Variants in DCC observed in about 807,000 individuals in gnomAD.
The protein encoded by DCC is DCC netrin 1 receptor, also known as netrin receptor DCC.
A neutral mutation model predicts 172.5 loss-of-function variants in DCC; 58 were observed. That is an observed-to-expected ratio of 0.34 (90% CI 0.27 to 0.42). The LOEUF is 0.42. Ranked by LOEUF, DCC falls within the 10% of genes least tolerant of loss-of-function variation. DCC has a pLI of 1.00. For synonymous variants in DCC, 709 were observed against 644.5 expected (o/e 1.10, Z -1.52); for missense variants, 1,740 against 1,791.0 (o/e 0.97, Z 0.51).
chr18:53,394,912 C>T lies in DCC; in HGVS notation c.2689-2396C>T, dbSNP rs368963521. ...ATCCCAGCACTCTGGGAGGCCGAGG[C>T]GGGTGGATCGCCTGAGGTCAGGAGT... On this transcript the variant is annotated intron_variant, in intron 17 of 28. Transcript: ENST00000442544. 8.7e-5 allele frequency among the ~76,000 whole-genome samples: 13 copies of T among 148,644 alleles called. No homozygotes were observed. In the East Asian group the frequency reaches 1.9e-3, roughly 21 times the overall value.
intron 2 of DCC, among the ~76,000 whole-genome samples, chr18:52,755,708 T>G (rs949978084): frequency 6.6e-6 from 1 of 152,186 alleles, no homozygotes; most frequent in Non-Finnish European, 1.5e-5. Flanking sequence ...ACAGTAGGCT[T>G]TGCTTGGGTA....
intron 7 of DCC, among the ~76,000 whole-genome samples, chr18:53,124,115 C>T (rs1023149317): frequency 3.9e-5 from 6 of 152,030 alleles, no homozygotes; most frequent in African/African-American, 1.4e-4. Flanking sequence ...GTATTCTATT[C>T]CTGTAATAAC....
chr18:52,627,355 A>C (rs764953488), intron 1 of DCC, among the ~76,000 whole-genome samples: 4 of 152,186 alleles, frequency 2.6e-5, no homozygotes, highest in Non-Finnish European at 4.4e-5. Flanking sequence ...GTCAGTTAAT[A>C]CTAGGGATGA....
chr18:52,734,828 G>A (rs1236649863), intron 1 of DCC, among the ~76,000 whole-genome samples: 1 of 152,084 alleles, frequency 6.6e-6, no homozygotes, highest in Non-Finnish European at 1.5e-5. Context: ...AACCCAAACA[G>A]GCAAAGGGAT....
rs5825008 is a variant in DCC, at chr18:53,310,991, G to GACACACACACAC, written c.2053+5288_2053+5299dup. On this transcript the variant is annotated intron_variant, in intron 13 of 28. Transcript: ENST00000442544. Reference sequence around the variant, plus strand: ...TAAAGGTATACTTAGAAGCATCTAGGACACACACACACACACACACACACA... The same window carrying GACACACACACAC: ...TAAAGGTATACTTAGAAGCATCTAGGACACACACACACACACACACACACACACACACACACA... 5.8e-3 allele frequency among the ~76,000 whole-genome samples: 846 copies of GACACACACACAC among 145,794 alleles called. 10 individuals carry two copies. The highest frequency in any genetic ancestry group is 0.016 in the African/African-American group (642 of 40,218).
At chr18:52,928,721 CTG>C (rs2040257075) in intron 5 of DCC, among the ~76,000 whole-genome samples, 1 of 152,174 alleles carries the variant, frequency 6.6e-6, no homozygotes, top group Non-Finnish European at 1.5e-5. Context: ...CTCTTGCCTT[CTG>C]TGCTTCTGTA....
chr18:53,308,203 A>G (rs181025153), intron 13 of DCC, among the ~76,000 whole-genome samples: 75 of 151,804 alleles, frequency 4.9e-4, no homozygotes, highest in African/African-American at 1.7e-3. Context: ...TTGGAATACT[A>G]TATGTCTAAT....
intron 5 of DCC, among the ~76,000 whole-genome samples, chr18:53,024,376 C>T (rs778195788): frequency 3.9e-5 from 6 of 152,118 alleles, no homozygotes; most frequent in Admixed American, 6.6e-5. Flanking sequence ...GCCTCCCTTG[C>T]AATCTCTAAA....
chr18:53,427,616 C>T (rs1911061726), intron 21 of DCC, among the ~76,000 whole-genome samples: 1 of 151,222 alleles, frequency 6.6e-6, no homozygotes, highest in South Asian at 2.1e-4. Context: ...ATCATCTTTT[C>T]TCACCTGAAA....
At chr18:52,781,155 G>A (rs528232545) in intron 2 of DCC, among the ~76,000 whole-genome samples, 1 of 152,238 alleles carries the variant, frequency 6.6e-6, no homozygotes, top group South Asian at 2.1e-4. Context: ...ATAATAGGTT[G>A]AGAAAGGAAA....
intron 21 of DCC, among the ~76,000 whole-genome samples, chr18:53,422,002 G>A (rs557436903): frequency 6.6e-6 from 1 of 152,230 alleles, no homozygotes; most frequent in South Asian, 2.1e-4. Flanking sequence ...GTATGTAAGT[G>A]GTGTGAAAGT....
intron 2 of DCC, chr18:52,754,345 C>A (rs546134182): frequency 2.0e-4 from 31 of 152,134 alleles, no homozygotes; most frequent in Non-Finnish European, 4.0e-4. Flanking sequence ...AATGTTTTTT[C>A]TCCCTAAAAT....
intron 2 of DCC, among the ~76,000 whole-genome samples, chr18:52,840,647 A>G: frequency 6.6e-6 from 1 of 152,222 alleles, no homozygotes; most frequent in African/African-American, 2.4e-5. Context: ...GGATCCTTCT[A>G]GTCCAAACTG....
At chr18:53,118,666 C>T (rs1352372971) in intron 7 of DCC, among the ~76,000 whole-genome samples, 1 of 151,646 alleles carries the variant, frequency 6.6e-6, no homozygotes, top group African/African-American at 2.4e-5. Flanking sequence ...TTATGTGGGA[C>T]AGGCAATGCG....
intron 1 of DCC, among the ~76,000 whole-genome samples, chr18:52,537,491 A>C (rs905981724): frequency 4.6e-5 from 7 of 152,174 alleles, no homozygotes; most frequent in Non-Finnish European, 8.8e-5. Context: ...AGGCAAACAC[A>C]TAGTTAGCTG....
chr18:52,976,211 T>G (rs1285022062), intron 5 of DCC, among the ~76,000 whole-genome samples: 1 of 152,254 alleles, frequency 6.6e-6, no homozygotes, highest in African/African-American at 2.4e-5. Flanking sequence ...GTTTTTTTTT[T>G]GTAAATTTGT....
At chr18:53,408,168 C>T (rs1055649768) in intron 19 of DCC, among the ~76,000 whole-genome samples, 11 of 152,016 alleles carry the variant, frequency 7.2e-5, no homozygotes, top group African/African-American at 2.7e-4. Context: ...CTGAGGTTAC[C>T]CTTGACCTGT....
At chr18:53,284,120 A>G (rs1378380076) in intron 12 of DCC, among the ~76,000 whole-genome samples, 1 of 152,202 alleles carries the variant, frequency 6.6e-6, no homozygotes, top group Non-Finnish European at 1.5e-5. Context: ...CCCTACCTGC[A>G]TCTCCTCAAA....
chr18:52,680,658 CA>C (rs1243138804), intron 1 of DCC, among the ~76,000 whole-genome samples: 13 of 152,202 alleles, frequency 8.5e-5, no homozygotes, highest in African/African-American at 2.9e-4. Flanking sequence ...GTGAATTGCA[CA>C]TAGTGCAAAC....
Sources: allele counts gnomAD v4.1 joint callset (sites outside exome capture counted in the v4.1 genomes callset), GRCh38; gene constraint gnomAD v4.1.1; transcripts MANE v1.5; gene names NCBI Gene and HGNC (gene_info 2026-07-23, HGNC 2026-07-21).